Variants in MTDH observed in about 807,000 individuals in gnomAD.
MTDH encodes the protein metadherin, also known as protein LYRIC.
In MTDH, 34 loss-of-function variants were observed where a neutral mutation model predicts 72.7. The ratio of observed to expected loss-of-function variants is 0.47; its 90% CI spans 0.36 to 0.62. The LOEUF (loss-of-function observed/expected upper bound fraction) is 0.62, where lower values mean the gene tolerates loss of function less well. MTDH is among the 20% of genes least tolerant of loss of function. The pLI is 0.00. For synonymous variants in MTDH, 266 were observed against 268.9 expected (o/e 0.99, Z 0.10); for missense variants, 677 against 699.4 (o/e 0.97, Z 0.36).
intron 10 of MTDH, among the ~76,000 whole-genome samples, chr8:97,719,785 T>C (rs1815033650): frequency 6.6e-6 from 1 of 152,136 alleles, no homozygotes; most frequent in Admixed American, 6.6e-5. Context: ...AGAGAAAATA[T>C]GAGTGGTTTC....
Position 97,713,770 on chromosome 8 carries a change from G to A in MTDH, c.1380+1G>A. Reference sequence around the variant, plus strand: ...AGGTGAAGATAACTCTACTGCACAGGTAAAATGTCAGAACAACAAGCATTC... The same window carrying A: ...AGGTGAAGATAACTCTACTGCACAGATAAAATGTCAGAACAACAAGCATTC... On this transcript the variant is annotated splice_donor_variant, in intron 9 of 11. Coordinates refer to ENST00000336273, the MANE Select transcript of MTDH (RefSeq NM_178812.4). LOFTEE classifies it high-confidence loss of function. 1 of 1,541,374 alleles carries A rather than the reference G, an allele frequency of 6.5e-7. No individual in the cohort carries two copies. The highest frequency in any genetic ancestry group is 8.8e-7 in the Non-Finnish European group (1 of 1,141,858).
intron 6 of MTDH, among the ~76,000 whole-genome samples, chr8:97,695,615 TC>T (rs2131021291): frequency 6.6e-6 from 1 of 152,210 alleles, no homozygotes; most frequent in East Asian, 1.9e-4. Flanking sequence ...GTGACTCGTC[TC>T]ATGGAGGTTT....
In MTDH at chr8:97,644,468, C is replaced by T. The variant is rs1383191041; in HGVS notation, c.-39C>T. The T allele has an allele frequency of 6.5e-7, 1 of 1,532,638 alleles. No individual in the cohort carries two copies. The highest frequency in any genetic ancestry group is 8.7e-7 in the Non-Finnish European group (1 of 1,148,048). The allele number at this position is 1,532,638 out of a possible 1,614,324, so 94.9% of individuals were successfully genotyped here. A position where few individuals can be genotyped will look rare whatever the true frequency, so the allele number is the denominator to read the frequency against. ...CGACTATTCCACTGCGTCTCCGCGC[C>T]CCGGCGTCATCCTGCGAGTCCCTCT... On this transcript the variant is annotated 5_prime_UTR_variant, in exon 1 of 12. Coordinates refer to ENST00000336273, the MANE Select transcript of MTDH (RefSeq NM_178812.4).
At chr8:97,658,326 G>C (rs1812056528) in intron 1 of MTDH, among the ~76,000 whole-genome samples, 1 of 152,248 alleles carries the variant, frequency 6.6e-6, no homozygotes, top group South Asian at 2.1e-4. Context: ...TTGGCTTGCT[G>C]ATCATTTCAG....
chr8:97,672,250 G>C (rs1019115452), intron 2 of MTDH, among the ~76,000 whole-genome samples: 6 of 152,162 alleles, frequency 3.9e-5, no homozygotes, highest in Non-Finnish European at 7.3e-5. Flanking sequence ...CAACAGGAGA[G>C]ACCTTATGAT....
At chr8:97,677,060 A>G (rs1203358325) in intron 2 of MTDH, among the ~76,000 whole-genome samples, 3 of 146,260 alleles carry the variant, frequency 2.1e-5, no homozygotes, top group Non-Finnish European at 3.0e-5. Context: ...ACGCATGCCT[A>G]TAGTCCCAGC....
chr8:97,683,883 G>A (rs1484321073), intron 2 of MTDH, among the ~76,000 whole-genome samples: 3 of 152,116 alleles, frequency 2.0e-5, no homozygotes, highest in Admixed American at 6.5e-5. Context: ...AGGCCGAGGC[G>A]GGTGGATCAC....
At chr8:97,696,671 C>T (rs965375413) in intron 6 of MTDH, among the ~76,000 whole-genome samples, 9 of 152,112 alleles carry the variant, frequency 5.9e-5, no homozygotes, top group African/African-American at 9.7e-5. Context: ...AAAACTAACC[C>T]TTTCAGGTTA....
At chr8:97,667,552 ATGAC>A (rs1488710545) in intron 2 of MTDH, among the ~76,000 whole-genome samples, 1 of 152,224 alleles carries the variant, frequency 6.6e-6, no homozygotes, top group African/African-American at 2.4e-5. Context: ...GCTTGAAAGA[ATGAC>A]TGATAGACAA....
At chr8:97,665,769 A>G (rs1812358093) in intron 2 of MTDH, among the ~76,000 whole-genome samples, 1 of 152,208 alleles carries the variant, frequency 6.6e-6, no homozygotes, top group African/African-American at 2.4e-5. Flanking sequence ...GGATGTGATA[A>G]AAACTTAGAT....
Position 97,715,345 on chromosome 8 carries a change from C to T in MTDH, c.1380+1576C>T, listed in dbSNP as rs960599602. On this transcript the variant is annotated intron_variant, in intron 9 of 11. Coordinates refer to ENST00000336273, the MANE Select transcript of MTDH (RefSeq NM_178812.4). Reference sequence around the variant, plus strand: ...ATTTCACCATGTTGGCCAGGCTGGTCTCAAGTGATCTGGCCTCGAGTGATC... The same window carrying T: ...ATTTCACCATGTTGGCCAGGCTGGTTTCAAGTGATCTGGCCTCGAGTGATC... 3.4e-4 allele frequency among the ~76,000 whole-genome samples: 51 copies of T among 151,942 alleles called. 1 individual carries two copies. The highest frequency in any genetic ancestry group is 6.6e-4 in the Admixed American group (10 of 15,252).
In MTDH at chr8:97,725,157, G is replaced by A. The variant is rs925140024; in HGVS notation, c.*487G>A. On this transcript the variant is annotated 3_prime_UTR_variant, in exon 12 of 12. Transcript: ENST00000336273. ...CCATATCTTTACATATTTGTTGGTA[G>A]CAATTTGTATTAAAGAAATCACAAG... 7 of 152,584 alleles carry A rather than the reference G, an allele frequency of 4.6e-5. No homozygotes were observed. The highest frequency in any genetic ancestry group is 1.7e-4 in the African/African-American group (7 of 41,420). 9.5% of individuals were successfully genotyped at this position (152,584 alleles called of 1,614,324 possible).
Position 97,722,859 on chromosome 8 carries a change from A to G in MTDH, c.1522-20A>G. 1.3e-6 allele frequency: 2 copies of G among 1,579,760 alleles called. No individual in the cohort carries two copies. Among genetic ancestry groups the G allele is most frequent in the Non-Finnish European group, 8.6e-7 (1 of 1,166,728 alleles). ...TGAAAATTTCACCAAAAAACCTGAGATGATTTTTTCCTAAAATAGCCTATC... is the reference window on the plus strand; with the variant it reads ...TGAAAATTTCACCAAAAAACCTGAGGTGATTTTTTCCTAAAATAGCCTATC... On this transcript the variant is annotated intron_variant, in intron 10 of 11. Coordinates refer to ENST00000336273, the MANE Select transcript of MTDH (RefSeq NM_178812.4).
intron 5 of MTDH, among the ~76,000 whole-genome samples, chr8:97,690,041 C>T (rs1177631973): frequency 6.8e-6 from 1 of 146,656 alleles, no homozygotes; most frequent in African/African-American, 2.5e-5. Flanking sequence ...GTTGTCCAGG[C>T]TGGAGTGCAA....
intron 2 of MTDH, among the ~76,000 whole-genome samples, chr8:97,674,322 A>G (rs2130965105): frequency 6.6e-6 from 1 of 152,376 alleles, no homozygotes; most frequent in Admixed American, 6.5e-5. Context: ...AAACCCCACC[A>G]AAAGGGGGGA....
In MTDH at chr8:97,727,355, A is replaced by T. The variant is rs961498300; in HGVS notation, c.*2685A>T. The T allele has an allele frequency of 6.6e-6, 1 of 150,498 alleles. No homozygotes were observed. The highest frequency in any genetic ancestry group is 2.4e-5 in the African/African-American group (1 of 40,852). The allele number at this position is 150,498 out of a possible 1,614,324, so 9.3% of individuals were successfully genotyped here. ...TCTCTACAAAATTTGCAAAAAGTAG[A>T]TGGGTGTGGTAGTGGGCGCCTGTAA... On this transcript the variant is annotated 3_prime_UTR_variant, in exon 12 of 12. Coordinates refer to ENST00000336273, the MANE Select transcript of MTDH (RefSeq NM_178812.4).
At chr8:97,659,251 A>C (rs777629112) in intron 1 of MTDH, among the ~76,000 whole-genome samples, 1 of 152,086 alleles carries the variant, frequency 6.6e-6, no homozygotes, top group Non-Finnish European at 1.5e-5. Flanking sequence ...TCTTACCTTT[A>C]CCCACGTACT....
At chr8:97,657,603 AAGT>A (rs1224919313) in intron 1 of MTDH, among the ~76,000 whole-genome samples, 1 of 152,052 alleles carries the variant, frequency 6.6e-6, no homozygotes. Flanking sequence ...TCCCAGGCTG[AAGT>A]GATCCTCCCA....
chr8:97,700,023 G>A (rs893186144), intron 7 of MTDH, among the ~76,000 whole-genome samples, 171 bp downstream of exon 7: 1 of 152,050 alleles, frequency 6.6e-6, no homozygotes, highest in African/African-American at 2.4e-5. Flanking sequence ...AATACCTGTA[G>A]AATTAAAACT....
Sources: allele counts gnomAD v4.1 joint callset (sites outside exome capture counted in the v4.1 genomes callset), GRCh38; gene constraint gnomAD v4.1.1; transcripts MANE v1.5; gene names NCBI Gene and HGNC (gene_info 2026-07-23, HGNC 2026-07-21).